MAOB: variants seen among roughly 807,000 people sequenced by gnomAD.
MAOB encodes amine oxidase [flavin-containing] B.
In MAOB, 15 loss-of-function variants were observed where a neutral mutation model predicts 41.9. The ratio of observed to expected loss-of-function variants is 0.36; its 90% CI spans 0.24 to 0.55. The LOEUF is 0.55. Among genes scored for constraint, MAOB ranks in the 20% least tolerant of loss-of-function variants. MAOB has a pLI of 0.86. For missense variants in MAOB, 345 were observed against 398.7 expected (o/e 0.87, Z 1.15); for synonymous variants, 167 against 144.2 (o/e 1.16, Z -1.13).
intron 12 of MAOB, among the ~76,000 whole-genome samples, chrX:43,769,790 A>C (rs1265447109): frequency 2.7e-5 from 3 of 111,298 alleles, no homozygotes; most frequent in African/African-American, 9.8e-5. Flanking sequence ...CCCACTGGCT[A>C]TTCCACTAGT....
intron 1 of MAOB, among the ~76,000 whole-genome samples, chrX:43,857,116 TAGAGAGAGAG>T (rs1163831661): frequency 0.014 from 159 of 11,262 alleles, 6 homozygotes; most frequent in East Asian, 0.049. Flanking sequence ...TATATATATA[TAGAGAGAGAG>T]AGAGAGAGAG....
chrX:43,819,050 C>T (rs1246164220), intron 3 of MAOB, among the ~76,000 whole-genome samples: 4 of 111,474 alleles, frequency 3.6e-5, no homozygotes, highest in Non-Finnish European at 3.8e-5. Context: ...GACACTCTTA[C>T]GCTTCTCTGT....
intron 3 of MAOB, among the ~76,000 whole-genome samples, chrX:43,833,998 T>C (rs1243704756): frequency 8.9e-6 from 1 of 112,253 alleles, no homozygotes; most frequent in African/African-American, 3.2e-5. Context: ...GACAAATGTG[T>C]TTCACTTACT....
At chrX:43,868,685 G>C (rs758734348) in intron 1 of MAOB, among the ~76,000 whole-genome samples, 2 of 111,611 alleles carry the variant, frequency 1.8e-5, no homozygotes, top group African/African-American at 6.5e-5. Context: ...AAAGCTAGCA[G>C]AGGACAGAGA....
At chrX:43,802,821 C>T (rs2034613304) in intron 4 of MAOB, among the ~76,000 whole-genome samples, 1 of 110,151 alleles carries the variant, frequency 9.1e-6, no homozygotes, top group Non-Finnish European at 1.9e-5. Flanking sequence ...GGACAAATAC[C>T]TAATGCATGT....
chrX:43,839,814 T>C (rs1162925902), intron 2 of MAOB, among the ~76,000 whole-genome samples: 3 of 112,265 alleles, frequency 2.7e-5, no homozygotes, highest in Non-Finnish European at 5.6e-5. Flanking sequence ...AGCACCTAAT[T>C]GTACTAAACC....
chrX:43,862,166 G>A (rs2035336761), intron 1 of MAOB, among the ~76,000 whole-genome samples: 1 of 111,762 alleles, frequency 8.9e-6, no homozygotes, highest in East Asian at 2.8e-4. Flanking sequence ...TATGTCTTTA[G>A]TGACAAAATT....
In MAOB at chrX:43,767,263, G is replaced by T; in HGVS notation, c.*203C>A. 2.7e-6 allele frequency: 1 copy of T among 369,926 alleles called. No individual in the cohort carries two copies. The highest frequency in any genetic ancestry group is 4.6e-6 in the Non-Finnish European group (1 of 217,602). 30.5% of individuals were successfully genotyped at this position (369,926 alleles called of 1,213,427 possible). On this transcript the variant is annotated 3_prime_UTR_variant, in exon 15 of 15. Coordinates refer to ENST00000378069, the MANE Select transcript of MAOB (RefSeq NM_000898.5). ...AACTTGGAAACTGGTGAAACAGAACGCTAAGCCAGGTAAGGGACACTAAGC... is the reference window on the plus strand; with the variant it reads ...AACTTGGAAACTGGTGAAACAGAACTCTAAGCCAGGTAAGGGACACTAAGC...
intron 3 of MAOB, among the ~76,000 whole-genome samples, chrX:43,826,281 T>C (rs1192484520): frequency 8.9e-6 from 1 of 112,099 alleles, no homozygotes; most frequent in African/African-American, 3.3e-5. Context: ...CTTCTTTTCC[T>C]GTAGGACTAG....
intron 3 of MAOB, among the ~76,000 whole-genome samples, chrX:43,806,508 T>A (rs1209524883): frequency 3.6e-5 from 4 of 111,584 alleles, no homozygotes; most frequent in Admixed American, 1.9e-4. Context: ...GCACTTGATA[T>A]CAATATGACT....
intron 3 of MAOB, among the ~76,000 whole-genome samples, chrX:43,810,467 A>T (rs1350346475): frequency 9.1e-6 from 1 of 110,400 alleles, no homozygotes; most frequent in Non-Finnish European, 1.9e-5. Flanking sequence ...TAATTAAATC[A>T]TGTCAATAAA....
At chrX:43,819,673 C>T (rs1453847535) in intron 3 of MAOB, among the ~76,000 whole-genome samples, 2 of 112,031 alleles carry the variant, frequency 1.8e-5, no homozygotes, top group East Asian at 2.8e-4. Context: ...AATCCCAGGG[C>T]TCTGGGGTGG....
rs146667571 is a variant in MAOB at position 43,767,586 on chromosome X, A to G, written c.1443T>C (p.Phe481=). The change falls in exon 15 of 15, where the codon TTT becomes TTC. Residue 481 remains phenylalanine (F), a synonymous_variant. Transcript: ENST00000378069. ...GCACGGAGGGCAAATGTCTCTCCAAAAAGGTGGTGGTGATGGGCTGTGCAG... is the reference window on the plus strand; with the variant it reads ...GCACGGAGGGCAAATGTCTCTCCAAGAAGGTGGTGGTGATGGGCTGTGCAG... ...DVPAQPITTT[F]LERHLPSVPG... The G allele has an allele frequency of 6.9e-5, 83 of 1,208,984 alleles. No individual in the cohort carries two copies. The African/African-American group carries it at 1.4e-3, about 20-fold the overall frequency.
rs2034315412 is a variant in MAOB, at chrX:43,780,402, A to C, written c.1026-7T>G. Reference sequence around the variant, plus strand: ...TTTGTGGGCCAGGATAAATCTAAAGAATATAAACAAGAAAAAGGGGAGAAA... The same window carrying C: ...TTTGTGGGCCAGGATAAATCTAAAGCATATAAACAAGAAAAAGGGGAGAAA... On this transcript the variant is annotated splice_polypyrimidine_tract_variant and splice_region_variant and intron_variant, in intron 9 of 14. Coordinates refer to ENST00000378069, the MANE Select transcript of MAOB (RefSeq NM_000898.5). The C allele has an allele frequency of 8.5e-7, 1 of 1,178,315 alleles. No homozygotes were observed. The highest frequency in any genetic ancestry group is 1.8e-5 in the African/African-American group (1 of 56,556).
chrX:43,767,575 T>C lies in MAOB; in HGVS notation c.1454A>G (p.His485Arg), dbSNP rs1256798813. The C allele has an allele frequency of 8.3e-7, 1 of 1,208,537 alleles. No individual in the cohort carries two copies. Among genetic ancestry groups the C allele is most frequent in the Non-Finnish European group, 1.1e-6 (1 of 894,618 alleles). Residue 485 changes from histidine (H) to arginine (R), a missense_variant, in exon 15 of 15, where the codon CAT (histidine) becomes CGT (arginine). Transcript: ENST00000378069. ...GAGCAGGCCTGGCACGGAGGGCAAA[T>C]GTCTCTCCAAAAAGGTGGTGGTGAT... ...QPITTTFLER[H>R]LPSVPGLLRL...
chrX:43,850,664 T>C (rs1364294749), intron 1 of MAOB, among the ~76,000 whole-genome samples: 1 of 112,202 alleles, frequency 8.9e-6, no homozygotes, highest in Admixed American at 9.4e-5. Flanking sequence ...ACTCCAAGCC[T>C]TCTCGGAAAC....
rs753947536 is a variant in MAOB at position 43,824,682 on chromosome X, CA to C, written c.279+14185del. Reference sequence around the variant, plus strand: ...TGGGCAACAGAGTGAGACTCTGTCTCAAAAAAAAAAAGAAAAGATTTGTATT... The same window carrying C: ...TGGGCAACAGAGTGAGACTCTGTCTCAAAAAAAAAAGAAAAGATTTGTATT... On this transcript the variant is annotated intron_variant, in intron 3 of 14. Coordinates refer to ENST00000378069, the MANE Select transcript of MAOB (RefSeq NM_000898.5). Among the ~76,000 whole-genome samples the C allele has an allele frequency of 5.1e-3, 519 of 101,021 alleles. 1 individual carries two copies. The highest frequency in any genetic ancestry group is 7.7e-3 in the Non-Finnish European group (380 of 49,157). The allele number at this position is 101,021 out of a possible 115,157, so 87.7% of individuals were successfully genotyped here.
intron 3 of MAOB, among the ~76,000 whole-genome samples, chrX:43,813,898 G>A (rs1601998301): frequency 9.0e-6 from 1 of 111,429 alleles, no homozygotes; most frequent in South Asian, 3.8e-4. Context: ...TAGTAGATTA[G>A]AAGGTGAAAA....
At chrX:43,867,894 C>G (rs2035376095) in intron 1 of MAOB, among the ~76,000 whole-genome samples, 1 of 111,991 alleles carries the variant, frequency 8.9e-6, no homozygotes, top group Non-Finnish European at 1.9e-5. Flanking sequence ...AAAAATGATG[C>G]TAAAATTTAT....
Sources: gnomAD v4.1 joint callset for allele counts (sites outside exome capture counted in the v4.1 genomes callset) on GRCh38, gnomAD v4.1.1 for gene constraint, MANE v1.5 for transcripts, NCBI Gene and HGNC (gene_info 2026-07-23, HGNC 2026-07-21) for gene names.